Variants in RCOR1 observed in about 807,000 individuals in gnomAD.
The protein encoded by RCOR1 is REST corepressor 1.
RCOR1 carries 12 observed loss-of-function variants against 64.0 expected under a neutral mutation model. That is an observed-to-expected ratio of 0.19 (90% CI 0.12 to 0.30). The LOEUF (loss-of-function observed/expected upper bound fraction) is 0.30. Ranked by LOEUF, RCOR1 falls within the 10% of genes least tolerant of loss-of-function variation. The pLI, the probability that RCOR1 is intolerant of heterozygous loss-of-function variation, is 1.00. For missense variants in RCOR1, 502 were observed against 621.2 expected (o/e 0.81, Z 2.04); for synonymous variants, 279 against 227.2 (o/e 1.23, Z -2.05).
rs530107742 is a variant in RCOR1, at chr14:102,650,887, C to T, written c.362-31008C>T. On this transcript the variant is annotated intron_variant, in intron 2 of 11. Transcript: ENST00000262241. Reference sequence around the variant, plus strand: ...CGGGACTTGATTTAGAGCACTTACTCTTAGATGTTAAATATTTGGTTTGCT... The same window carrying T: ...CGGGACTTGATTTAGAGCACTTACTTTTAGATGTTAAATATTTGGTTTGCT... 2.0e-5 allele frequency: 11 copies of T among 544,676 alleles called. No homozygotes were observed. The African/African-American group carries it at 2.1e-4, about 10-fold the overall frequency. The allele number at this position is 544,676 out of a possible 1,614,324, so 33.7% of individuals were successfully genotyped here. A position where few individuals can be genotyped will look rare whatever the true frequency, so the allele number is the denominator to read the frequency against.
chr14:102,663,053 T>C (rs1472050896), intron 2 of RCOR1, among the ~76,000 whole-genome samples: 1 of 152,152 alleles, frequency 6.6e-6, no homozygotes, highest in Non-Finnish European at 1.5e-5. Flanking sequence ...TGGTAGATAA[T>C]TGAATCATGA....
chr14:102,663,207 G>A (rs759412356), intron 2 of RCOR1, among the ~76,000 whole-genome samples: 2 of 152,126 alleles, frequency 1.3e-5, no homozygotes, highest in Admixed American at 6.5e-5. Flanking sequence ...CCTCCTTGCC[G>A]TCCGCCATGA....
chr14:102,691,535 G>A (rs1895533178), intron 3 of RCOR1, among the ~76,000 whole-genome samples: 1 of 152,176 alleles, frequency 6.6e-6, no homozygotes, highest in South Asian at 2.1e-4. Flanking sequence ...AGCCTATATT[G>A]GCCTAGTTTT....
chr14:102,657,119 A>G (rs1202158047), intron 2 of RCOR1: 2 of 983,288 alleles, frequency 2.0e-6, no homozygotes, highest in African/African-American at 3.6e-5. Flanking sequence ...TTCCTTATAT[A>G]ATTTAGGTTG....
intron 4 of RCOR1, among the ~76,000 whole-genome samples, chr14:102,705,401 T>A (rs1210730603): frequency 6.6e-6 from 1 of 152,198 alleles, no homozygotes. Flanking sequence ...ATCAGTGTAA[T>A]AAAGGTGTAA....
At chr14:102,665,311 C>CTTTT (rs35214723) in intron 2 of RCOR1, among the ~76,000 whole-genome samples, 1 of 132,034 alleles carries the variant, frequency 7.6e-6, no homozygotes, top group African/African-American at 2.8e-5. Flanking sequence ...GGCCTCAACA[C>CTTTT]TTTTTTTTTT....
At chr14:102,697,112 C>T (rs1895667132) in intron 3 of RCOR1, among the ~76,000 whole-genome samples, 1 of 152,164 alleles carries the variant, frequency 6.6e-6, no homozygotes, top group Non-Finnish European at 1.5e-5. Context: ...GAGACAAGGT[C>T]TGTCAACAGC....
chr14:102,700,452 C>T (rs1356420199), intron 3 of RCOR1, among the ~76,000 whole-genome samples: 1 of 152,164 alleles, frequency 6.6e-6, no homozygotes, highest in African/African-American at 2.4e-5. Context: ...GAACTCCTGA[C>T]CTCAAAGTGA....
Position 102,690,039 on chromosome 14 carries a change from G to A in RCOR1, c.445+8061G>A, listed in dbSNP as rs1029034164. On this transcript the variant is annotated intron_variant, in intron 3 of 11. Transcript: ENST00000262241. ...ATTACAGGCGTGAGTCACCGCGCCC[G>A]GCCTGATTTTTTTTTTAAGCTAGCT... 9.4e-5 allele frequency among the ~76,000 whole-genome samples: 14 copies of A among 149,516 alleles called. No homozygotes were observed. In the South Asian group the frequency reaches 1.0e-3, roughly 11 times the overall value.
At chr14:102,698,760 T>C (rs1379546547) in intron 3 of RCOR1, among the ~76,000 whole-genome samples, 1 of 152,214 alleles carries the variant, frequency 6.6e-6, no homozygotes, top group East Asian at 1.9e-4. Context: ...AACCCCCATA[T>C]TACCTGTGTC....
At chr14:102,664,213 C>A (rs1228549198) in intron 2 of RCOR1, among the ~76,000 whole-genome samples, 1 of 152,190 alleles carries the variant, frequency 6.6e-6, no homozygotes, top group Non-Finnish European at 1.5e-5. Flanking sequence ...TCAAGTGATT[C>A]TCATCCCTCA....
At chr14:102,597,070 A>C (rs903493436) in intron 2 of RCOR1, among the ~76,000 whole-genome samples, 1 of 150,602 alleles carries the variant, frequency 6.6e-6, no homozygotes, top group East Asian at 1.9e-4. Context: ...ACGGGGTTTC[A>C]CCATATTGGC....
At chr14:102,678,572 G>A (rs1198736759) in intron 2 of RCOR1, among the ~76,000 whole-genome samples, 2 of 152,080 alleles carry the variant, frequency 1.3e-5, no homozygotes, top group Admixed American at 6.6e-5. Flanking sequence ...GATTACAGGC[G>A]TGAGTCACTG....
intron 2 of RCOR1, among the ~76,000 whole-genome samples, chr14:102,604,717 T>A (rs550583766): frequency 6.6e-6 from 1 of 152,282 alleles, no homozygotes; most frequent in South Asian, 2.1e-4. Context: ...ATTATAAGAA[T>A]TCTGATTTAT....
At chr14:102,636,126 G>A (rs1894231021) in intron 2 of RCOR1, among the ~76,000 whole-genome samples, 1 of 151,868 alleles carries the variant, frequency 6.6e-6, no homozygotes, top group Non-Finnish European at 1.5e-5. Context: ...TTTTAGTAGA[G>A]ATGGGGTTTC....
chr14:102,657,725 C>A, intron 2 of RCOR1: 2 of 395,932 alleles, frequency 5.1e-6, no homozygotes, highest in Non-Finnish European at 6.8e-6. Context: ...GTAATCCCAG[C>A]TACTGGGGAG....
At chr14:102,673,920 T>G (rs1895085794) in intron 2 of RCOR1, among the ~76,000 whole-genome samples, 1 of 152,218 alleles carries the variant, frequency 6.6e-6, no homozygotes, top group African/African-American at 2.4e-5. Flanking sequence ...CAGCCCCCGT[T>G]GATGTATTTT....
At chr14:102,716,251 T>A (rs1896066914) in intron 8 of RCOR1, among the ~76,000 whole-genome samples, 1 of 152,198 alleles carries the variant, frequency 6.6e-6, no homozygotes, top group Non-Finnish European at 1.5e-5. Flanking sequence ...GTTGCGTATT[T>A]TCTTATTGGT....
At chr14:102,597,628 C>CT (rs57656879) in intron 2 of RCOR1, among the ~76,000 whole-genome samples, 515 of 44,996 alleles carry the variant, frequency 0.011, 81 homozygotes, top group African/African-American at 0.046. Context: ...TGCGCCCGAC[C>CT]TTTTTTTTTT....
Sources: allele counts gnomAD v4.1 joint callset (sites outside exome capture counted in the v4.1 genomes callset), GRCh38; gene constraint gnomAD v4.1.1; transcripts MANE v1.5; gene names NCBI Gene and HGNC (gene_info 2026-07-23, HGNC 2026-07-21).